The following TMEM117 variants were observed in gnomAD, a reference collection of about 807,000 sequenced individuals.
TMEM117 encodes transmembrane protein 117.
Under a neutral mutation model 52.4 loss-of-function variants are expected in TMEM117, and 27 were observed. The ratio of observed to expected loss-of-function variants is 0.51; its 90% CI spans 0.38 to 0.71. The LOEUF is 0.71. Among genes scored for constraint, TMEM117 ranks in the 30% least tolerant of loss-of-function variants. The pLI is 0.00. For synonymous variants in TMEM117, 215 were observed against 206.3 expected (o/e 1.04, Z -0.36); for missense variants, 556 against 630.5 (o/e 0.88, Z 1.26).
intron 3 of TMEM117, among the ~76,000 whole-genome samples, chr12:44,134,276 C>T (rs1203455795): frequency 1.3e-5 from 2 of 152,022 alleles, no homozygotes; most frequent in African/African-American, 2.4e-5. Flanking sequence ...TGCAGTGGTG[C>T]AATCAAGGCT....
At chr12:44,090,024 A>T (rs542222843) in intron 3 of TMEM117, among the ~76,000 whole-genome samples, 1 of 152,146 alleles carries the variant, frequency 6.6e-6, no homozygotes, top group African/African-American at 2.4e-5. Flanking sequence ...TTATTGTCTT[A>T]TGTGTTTATC....
chr12:44,137,527 G>A (rs374143107), intron 3 of TMEM117, among the ~76,000 whole-genome samples: 77 of 152,056 alleles, frequency 5.1e-4, no homozygotes, highest in Non-Finnish European at 9.3e-4. Context: ...CCATTTTCAC[G>A]CTGCTGATAA....
chr12:44,041,162 T>C (rs2137896363), intron 3 of TMEM117, among the ~76,000 whole-genome samples: 1 of 152,048 alleles, frequency 6.6e-6, no homozygotes, highest in South Asian at 2.1e-4. Flanking sequence ...GTTACATATG[T>C]ATACATGTGC....
At chr12:44,254,677 C>CT (rs1421337789) in intron 5 of TMEM117, among the ~76,000 whole-genome samples, 2 of 151,594 alleles carry the variant, frequency 1.3e-5, no homozygotes, top group South Asian at 2.1e-4. Context: ...TTTTATTATA[C>CT]TTTAAGTTTT....
At chr12:44,360,489 C>T (rs1951706520) in intron 6 of TMEM117, among the ~76,000 whole-genome samples, 1 of 151,528 alleles carries the variant, frequency 6.6e-6, no homozygotes, top group African/African-American at 2.4e-5. Flanking sequence ...ATTGCCTGAA[C>T]TCCAGGGGTG....
Position 44,388,711 on chromosome 12 carries a change from T to A in TMEM117, c.*39T>A. The A allele has an allele frequency of 6.3e-6, 10 of 1,587,620 alleles. No homozygotes were observed. Among genetic ancestry groups the A allele is most frequent in the Non-Finnish European group, 8.6e-6 (10 of 1,168,432 alleles). On this transcript the variant is annotated 3_prime_UTR_variant, in exon 8 of 8. Transcript: ENST00000266534. ...CTTGGAGATAACACAAAAAGCAACC[T>A]TGAGTGTAACTTTAAAAATTTAGTC... is the stretch of plus-strand genomic sequence containing the variant.
At chr12:44,048,501 T>C (rs1297169748) in intron 3 of TMEM117, among the ~76,000 whole-genome samples, 1 of 152,240 alleles carries the variant, frequency 6.6e-6, no homozygotes, top group Non-Finnish European at 1.5e-5. Flanking sequence ...TTTTCCTATA[T>C]ACTTTAATAA....
At chr12:44,084,590 A>T (rs1348100430) in intron 3 of TMEM117, among the ~76,000 whole-genome samples, 2 of 152,168 alleles carry the variant, frequency 1.3e-5, no homozygotes, top group Non-Finnish European at 2.9e-5. Context: ...TCTGTATCAG[A>T]AAAGGTCACA....
intron 3 of TMEM117, among the ~76,000 whole-genome samples, chr12:44,103,620 T>G (rs1031554472): frequency 6.6e-6 from 1 of 152,018 alleles, no homozygotes; most frequent in Non-Finnish European, 1.5e-5. Context: ...GGGGGCAGAT[T>G]TCATCATTTA....
chr12:44,070,315 G>T (rs1947283249), intron 3 of TMEM117, among the ~76,000 whole-genome samples: 1 of 152,212 alleles, frequency 6.6e-6, no homozygotes, highest in Non-Finnish European at 1.5e-5. Context: ...GTTGAAGGCA[G>T]AAAGGAGGGA....
intron 2 of TMEM117, among the ~76,000 whole-genome samples, chr12:43,863,367 C>G (rs547928423): frequency 3.3e-5 from 5 of 152,164 alleles, no homozygotes; most frequent in Admixed American, 2.6e-4. Flanking sequence ...CTTGACAGAT[C>G]ATGGTATTTC....
At chr12:43,995,921 C>A (rs920825205) in intron 3 of TMEM117, among the ~76,000 whole-genome samples, 2 of 152,114 alleles carry the variant, frequency 1.3e-5, no homozygotes, top group East Asian at 1.9e-4. Flanking sequence ...ATTCTCTGGA[C>A]AACTTTCACA....
chr12:44,388,264 G>A lies in TMEM117; in HGVS notation c.1137G>A (p.Met379Ile). 2 of 1,613,556 alleles carry A rather than the reference G, an allele frequency of 1.2e-6. No homozygotes were observed. The highest frequency in any genetic ancestry group is 1.7e-6 in the Non-Finnish European group (2 of 1,179,652). The change falls in exon 8 of 8, where the codon ATG becomes ATA. Residue 379 changes from methionine (M) to isoleucine (I), a missense_variant. By Grantham distance (10) the Met-to-Ile change is conservative (BLOSUM62 1). This residue lies in a region of TMEM117 where 206 missense variants were observed against 211.1 expected (regional missense o/e 0.98). Coordinates refer to ENST00000266534, the MANE Select transcript of TMEM117 (RefSeq NM_032256.3). The part of the protein sequence containing the change: ...RTNKTYVEGD[M>I]FLHSRFIGAS... ...ATAAAACATATGTTGAGGGAGACAT[G>A]TTCTTACACAGCAGGTTCATAGGAG...
chr12:44,218,237 C>A (rs57003762), intron 5 of TMEM117, among the ~76,000 whole-genome samples: 14,419 of 149,370 alleles, frequency 0.097, 839 homozygotes, highest in Middle Eastern at 0.18. Context: ...AAACAAAAAA[C>A]AAAAAACTAG....
At chr12:43,845,483 A>G (rs1340939240) in intron 2 of TMEM117, among the ~76,000 whole-genome samples, 1 of 149,934 alleles carries the variant, frequency 6.7e-6, no homozygotes, top group Admixed American at 6.6e-5. Flanking sequence ...AAAAAAAAAA[A>G]GAGCATTAGA....
the TMEM117 span, among the ~76,000 whole-genome samples, chr12:43,806,632 G>A: frequency 1.3e-5 from 2 of 152,126 alleles, no homozygotes; most frequent in African/African-American, 4.8e-5. Flanking sequence ...CTCAAAAACG[G>A]AAGTGATCAT....
intron 6 of TMEM117, among the ~76,000 whole-genome samples, chr12:44,358,168 G>C (rs1000794459): frequency 1.3e-5 from 2 of 152,052 alleles, no homozygotes; most frequent in African/African-American, 4.8e-5. Context: ...GATTCCTAGA[G>C]GCAGGGAGGG....
chr12:43,862,891 T>C (rs902990630), intron 2 of TMEM117, among the ~76,000 whole-genome samples: 1 of 152,150 alleles, frequency 6.6e-6, no homozygotes, highest in Non-Finnish European at 1.5e-5. Context: ...CGCTTGAACC[T>C]GGGAGGCAGA....
At chr12:44,099,097 C>T (rs529863288) in intron 3 of TMEM117, among the ~76,000 whole-genome samples, 1 of 151,888 alleles carries the variant, frequency 6.6e-6, no homozygotes, top group Admixed American at 6.6e-5. Context: ...CTGGCAAAGC[C>T]AACCTCAGGC....
Sources: allele counts gnomAD v4.1 joint callset (sites outside exome capture counted in the v4.1 genomes callset), GRCh38; gene constraint gnomAD v4.1.1; regional missense constraint gnomAD v4.1.1; transcripts MANE v1.5; gene names NCBI Gene and HGNC (gene_info 2026-07-23, HGNC 2026-07-21).